TBC1D22A: variants seen among roughly 807,000 people sequenced by gnomAD.
The protein encoded by TBC1D22A is putative GTPase activator.
In TBC1D22A, 38 loss-of-function variants were observed where a neutral mutation model predicts 60.2. The ratio of observed to expected loss-of-function variants is 0.63; its 90% CI spans 0.49 to 0.83. The LOEUF (loss-of-function observed/expected upper bound fraction) is 0.83, where lower values mean the gene tolerates loss of function less well. TBC1D22A is among the 40% of genes least tolerant of loss of function. The pLI, the probability that TBC1D22A is intolerant of heterozygous loss-of-function variation, is 0.00. For missense variants in TBC1D22A, 628 were observed against 701.0 expected, an observed-to-expected ratio of 0.90 and a Z score of 1.18; for synonymous variants, 302 against 281.7, an observed-to-expected ratio of 1.07 and a Z score of -0.72.
chr22:46,999,148 C>T (rs1184284070), intron 10 of TBC1D22A, among the ~76,000 whole-genome samples: 3 of 152,122 alleles, frequency 2.0e-5, no homozygotes, highest in Non-Finnish European at 2.9e-5. Flanking sequence ...TCGTTTGTTC[C>T]GGTGCTGCAG....
intron 4 of TBC1D22A, among the ~76,000 whole-genome samples, chr22:46,862,899 C>G (rs545070050): frequency 6.6e-6 from 1 of 152,092 alleles, no homozygotes; most frequent in Admixed American, 6.5e-5. Context: ...ACCGTGGACC[C>G]GATTTTAGAA....
At chr22:46,941,878 A>G (rs2072174721) in intron 8 of TBC1D22A, among the ~76,000 whole-genome samples, 1 of 147,674 alleles carries the variant, frequency 6.8e-6, no homozygotes, top group Non-Finnish European at 1.5e-5. Context: ...ATGTGTATAG[A>G]ATATGTATAG....
At chr22:46,836,750 T>A (rs896593668) in intron 4 of TBC1D22A, among the ~76,000 whole-genome samples, 1 of 152,178 alleles carries the variant, frequency 6.6e-6, no homozygotes, top group Non-Finnish European at 1.5e-5. Context: ...ACTTTAGTTT[T>A]AGTGACACAT....
chr22:47,088,830 T>C (rs1000436227), intron 11 of TBC1D22A, among the ~76,000 whole-genome samples: 2 of 152,122 alleles, frequency 1.3e-5, no homozygotes, highest in Non-Finnish European at 2.9e-5. Context: ...CCCCAGACAT[T>C]TCACACCTTC....
chr22:47,076,341 G>GTATATATATATGTGTGTGTGTGTATATA (rs2064210734), intron 11 of TBC1D22A, among the ~76,000 whole-genome samples: 2 of 116,172 alleles, frequency 1.7e-5, no homozygotes. Context: ...GTGTGTGTGT[G>GTATATATATATGTGTGTGTGTGTATATA]TATATATATA....
At chr22:46,818,090 T>C (rs1168125095) in intron 4 of TBC1D22A, among the ~76,000 whole-genome samples, 2 of 152,212 alleles carry the variant, frequency 1.3e-5, no homozygotes, top group Admixed American at 1.3e-4. Flanking sequence ...TTCTCCCACT[T>C]TTTGATGGGG....
intron 11 of TBC1D22A, among the ~76,000 whole-genome samples, chr22:47,076,361 G>GTGTATATATATATATATATATATATA (rs1392245000): frequency 3.9e-5 from 4 of 101,922 alleles, no homozygotes; most frequent in East Asian, 4.6e-4. Flanking sequence ...ATATGTGTGT[G>GTGTATATATATATATATATATATATA]TATATATATA....
At chr22:46,973,448 G>A (rs565562439) in intron 8 of TBC1D22A, among the ~76,000 whole-genome samples, 13 of 152,334 alleles carry the variant, frequency 8.5e-5, no homozygotes, top group East Asian at 3.9e-4. Context: ...AGCATCATCC[G>A]TATCAGGATT....
chr22:46,911,984 C>A, intron 7 of TBC1D22A, 90 bp from the exon 8 acceptor site: 1 of 784,274 alleles, frequency 1.3e-6, no homozygotes, highest in Non-Finnish European at 2.2e-6. Flanking sequence ...TGAGAAAATA[C>A]AGTGTACATT....
chr22:47,118,806 CACACACAT>C (rs952103827), intron 12 of TBC1D22A, among the ~76,000 whole-genome samples: 4 of 125,672 alleles, frequency 3.2e-5, no homozygotes, highest in African/African-American at 9.8e-5. Context: ...CACACACACA[CACACACAT>C]ACATTTAAAA....
chr22:47,135,932 C>T (rs1601627902), intron 12 of TBC1D22A, among the ~76,000 whole-genome samples: 4 of 152,158 alleles, frequency 2.6e-5, no homozygotes, highest in Admixed American at 1.3e-4. Flanking sequence ...CAGGACCACC[C>T]GGACACACGT....
chr22:46,762,861 C>T lies in TBC1D22A; in HGVS notation c.62+13C>T, dbSNP rs778891252. 29 of 1,468,410 alleles carry T rather than the reference C, an allele frequency of 2.0e-5. No homozygotes were observed. The East Asian group carries it at 3.0e-4, about 15-fold the overall frequency. 91.0% of individuals were successfully genotyped at this position (1,468,410 alleles called of 1,614,324 possible). ...AGCTCCCGGGCAGGTGGGTGTGCCGCGGAGGGCCAGGTCGGGGTCAGGGGT... is the reference window on the plus strand; with the variant it reads ...AGCTCCCGGGCAGGTGGGTGTGCCGTGGAGGGCCAGGTCGGGGTCAGGGGT... On this transcript the variant is annotated intron_variant, in intron 1 of 12. Coordinates refer to ENST00000337137, the MANE Select transcript of TBC1D22A (RefSeq NM_014346.5).
At chr22:47,018,215 G>T (rs1017300548) in intron 10 of TBC1D22A, among the ~76,000 whole-genome samples, 1 of 152,246 alleles carries the variant, frequency 6.6e-6, no homozygotes, top group African/African-American at 2.4e-5. Context: ...TGGAAGGGGC[G>T]CCCATGGAGG....
chr22:47,173,962 G>A lies in TBC1D22A; in HGVS notation c.*336G>A, dbSNP rs15411. The A allele has an allele frequency of 6.6e-4, 158 of 240,178 alleles. 1 individual carries two copies. Among genetic ancestry groups the A allele is most frequent in the Admixed American group, 3.4e-3 (67 of 19,642 alleles). The allele number at this position is 240,178 out of a possible 1,614,324, so 14.9% of individuals were successfully genotyped here. A position where few individuals can be genotyped will look rare whatever the true frequency, so the allele number is the denominator to read the frequency against. On this transcript the variant is annotated 3_prime_UTR_variant, in exon 13 of 13. Transcript: ENST00000337137. ...CTAGTCCGGGGCAGCCTAGGAGGCC[G>A]ACCCTCTTTGGAGTCCTGCTGTCTG...
intron 4 of TBC1D22A, among the ~76,000 whole-genome samples, chr22:46,862,391 T>C (rs999148824): frequency 4.0e-5 from 6 of 151,664 alleles, no homozygotes; most frequent in African/African-American, 1.5e-4. Flanking sequence ...GGTGGTGCAG[T>C]TGGGAGTGAG....
Position 46,838,020 on chromosome 22 carries a change from A to C in TBC1D22A, c.637+40400A>C, listed in dbSNP as rs2086594056. ...GGTTGCAGTGAGCCAAGATTGCGCC[A>C]CTGCACTCTAGCCTGGGAGATAGAG... On this transcript the variant is annotated intron_variant, in intron 4 of 12. Transcript: ENST00000337137. Among the ~76,000 whole-genome samples, 3 of 152,348 alleles carry C rather than the reference A, an allele frequency of 2.0e-5. No individual in the cohort carries two copies. The South Asian group carries it at 6.2e-4, about 32-fold the overall frequency.
chr22:47,011,513 T>C (rs1054975356), intron 10 of TBC1D22A, among the ~76,000 whole-genome samples: 4 of 152,066 alleles, frequency 2.6e-5, no homozygotes, highest in Non-Finnish European at 5.9e-5. Context: ...CCATAACCAA[T>C]GCCCAGTTTC....
chr22:46,944,559 C>T (rs561006076), intron 8 of TBC1D22A, among the ~76,000 whole-genome samples: 10 of 152,214 alleles, frequency 6.6e-5, no homozygotes, highest in South Asian at 2.1e-4. Context: ...CCACCATGCC[C>T]GGCTAATTTC....
intron 8 of TBC1D22A, among the ~76,000 whole-genome samples, chr22:46,950,758 G>A (rs924337601): frequency 4.6e-5 from 7 of 152,164 alleles, no homozygotes; most frequent in African/African-American, 9.7e-5. Context: ...GGTAGAGAGA[G>A]CGCCTTTTAC....
Sources: allele counts gnomAD v4.1 joint callset (sites outside exome capture counted in the v4.1 genomes callset), GRCh38; gene constraint gnomAD v4.1.1; transcripts MANE v1.5; gene names NCBI Gene and HGNC (gene_info 2026-07-23, HGNC 2026-07-21).